Variants in SYN2 observed in about 807,000 individuals in gnomAD.
SYN2 encodes the protein synapsin II.
In SYN2, 19 loss-of-function variants were observed where a neutral mutation model predicts 50.9. The ratio of observed to expected loss-of-function variants is 0.37; its 90% CI spans 0.26 to 0.55. The LOEUF is 0.55. SYN2 is among the 20% of genes least tolerant of loss of function. The probability of loss-of-function intolerance (pLI) is 0.81; values close to 1 mark genes in which losing one functional copy is unlikely to be tolerated. For synonymous variants in SYN2, 255 were observed against 224.9 expected, an observed-to-expected ratio of 1.13 and a Z score of -1.20; for missense variants, 587 against 576.4, an observed-to-expected ratio of 1.02 and a Z score of -0.19.
intron 10 of SYN2, among the ~76,000 whole-genome samples, chr3:12,178,959 C>T (rs1206898123): frequency 6.6e-6 from 1 of 152,184 alleles, no homozygotes; most frequent in East Asian, 1.9e-4. Context: ...TGCACCATGC[C>T]CTTTTGGTGC....
intron 5 of SYN2, chr3:12,153,489 A>G: frequency 2.5e-6 from 4 of 1,611,968 alleles, no homozygotes; most frequent in Non-Finnish European, 8.5e-7. Context: ...GGACTCTTGA[A>G]GGGATGTGAT....
chr3:12,142,524 T>C (rs528051171), intron 3 of SYN2, among the ~76,000 whole-genome samples: 13 of 152,266 alleles, frequency 8.5e-5, no homozygotes, highest in African/African-American at 3.1e-4. Context: ...CTAAGTCTGA[T>C]AGAAAAACCT....
Position 12,191,614 on chromosome 3 carries a change from C to T in SYN2, c.*989C>T, listed in dbSNP as rs1223012793. On this transcript the variant is annotated 3_prime_UTR_variant, in exon 13 of 13. Transcript: ENST00000621198. The stretch of plus-strand genomic sequence containing the variant: ...TGTGTCTGTCCTTTACATACCACTT[C>T]TGGGCCTCCTCGCACCTCCCCAGTG... 6.6e-6 allele frequency among the ~76,000 whole-genome samples: 1 copy of T among 152,170 alleles called. No homozygotes were observed. The highest frequency in any genetic ancestry group is 1.5e-5 in the Non-Finnish European group (1 of 68,030).
chr3:12,187,021 G>A (rs1448761292), intron 11 of SYN2, among the ~76,000 whole-genome samples: 2 of 152,138 alleles, frequency 1.3e-5, no homozygotes, highest in Non-Finnish European at 2.9e-5. Context: ...CCTGGAGCAG[G>A]GTGGTCTGTG....
chr3:12,172,816 T>C (rs6763468), intron 10 of SYN2, among the ~76,000 whole-genome samples: 8,471 of 152,232 alleles, frequency 0.056, 798 homozygotes, highest in African/African-American at 0.19. Context: ...TGGTTACTTC[T>C]GAGGAGCCAA....
chr3:12,093,935 C>CA (rs1179220889), intron 1 of SYN2, among the ~76,000 whole-genome samples: 1 of 150,292 alleles, frequency 6.7e-6, no homozygotes, highest in Non-Finnish European at 1.5e-5. Context: ...TGGTTCACTG[C>CA]AACCTGTGCC....
intron 1 of SYN2, among the ~76,000 whole-genome samples, chr3:12,085,714 A>G (rs1695687124): frequency 6.6e-6 from 1 of 152,220 alleles, no homozygotes; most frequent in Non-Finnish European, 1.5e-5. Flanking sequence ...ACAAGCAAAA[A>G]TGGAAACACA....
chr3:12,012,689 T>A (rs1386836904), intron 1 of SYN2, among the ~76,000 whole-genome samples: 1 of 152,228 alleles, frequency 6.6e-6, no homozygotes, highest in Non-Finnish European at 1.5e-5. Context: ...TACCTTAACG[T>A]TGATTTTCTT....
At chr3:12,009,241 G>C (rs756009095) in intron 1 of SYN2, among the ~76,000 whole-genome samples, 1 of 152,068 alleles carries the variant, frequency 6.6e-6, no homozygotes, top group Non-Finnish European at 1.5e-5. Context: ...GGGAAATCTC[G>C]ATCTCGAGAG....
chr3:12,130,666 C>T (rs1279375078), intron 1 of SYN2, among the ~76,000 whole-genome samples: 2 of 152,168 alleles, frequency 1.3e-5, no homozygotes, highest in East Asian at 1.9e-4. Context: ...ATCAAGTTAA[C>T]ACATAAAATT....
chr3:12,158,572 G>T, intron 5 of SYN2: 1 of 1,381,148 alleles, frequency 7.2e-7, no homozygotes, highest in Non-Finnish European at 9.8e-7. Flanking sequence ...CCACCCATCA[G>T]CCTCAGCAAG....
chr3:12,057,404 G>A (rs1294302359), intron 1 of SYN2, among the ~76,000 whole-genome samples: 4 of 151,756 alleles, frequency 2.6e-5, no homozygotes, highest in Non-Finnish European at 4.4e-5. Context: ...TATTTGAAAT[G>A]AGTTTCAAAT....
chr3:12,178,272 G>A (rs1313476517), intron 10 of SYN2, among the ~76,000 whole-genome samples: 2 of 152,144 alleles, frequency 1.3e-5, no homozygotes, highest in Non-Finnish European at 2.9e-5. Flanking sequence ...TGCTGAGCAA[G>A]CACAGGCCTT....
At chr3:12,121,294 C>T (rs963592240) in intron 1 of SYN2, among the ~76,000 whole-genome samples, 3 of 152,174 alleles carry the variant, frequency 2.0e-5, no homozygotes, top group African/African-American at 7.2e-5. Flanking sequence ...GACAGCATTC[C>T]TAGAACATCT....
chr3:12,041,392 A>G (rs900454549), intron 1 of SYN2, among the ~76,000 whole-genome samples: 2 of 152,192 alleles, frequency 1.3e-5, no homozygotes, highest in East Asian at 1.9e-4. Flanking sequence ...TTACATTGGA[A>G]TAGAGCTTGC....
In SYN2 at chr3:12,178,670, C is replaced by T. The variant is rs181297243; in HGVS notation, c.1309-4642C>T. ...CAACAATATCTTCTCCACTGATGCA[C>T]GAAATTCTAACATTAGACCTCCCTT... On this transcript the variant is annotated intron_variant, in intron 10 of 12. Transcript: ENST00000621198. Among the ~76,000 whole-genome samples the T allele has an allele frequency of 3.4e-4, 52 of 152,328 alleles. 1 individual carries two copies. The highest frequency in any genetic ancestry group is 9.9e-4 in the African/African-American group (41 of 41,578).
intron 3 of SYN2, among the ~76,000 whole-genome samples, chr3:12,144,546 A>G (rs557390087): frequency 1.8e-4 from 27 of 152,342 alleles, no homozygotes; most frequent in African/African-American, 5.8e-4. Context: ...GAAAGCCACA[A>G]GGAGCTTCAG....
chr3:12,158,601 T>G, intron 5 of SYN2: 6 of 1,515,662 alleles, frequency 4.0e-6, no homozygotes, highest in Non-Finnish European at 4.4e-6. Flanking sequence ...GGTAAGAATT[T>G]GAGCTCCTCC....
rs71044259 is a variant in SYN2, at chr3:12,057,287, C to CTGTCTGTGTGTGTGTGTG, written c.377+52362_377+52363insCTGTGTGTGTGTGTGTGT. On this transcript the variant is annotated intron_variant, in intron 1 of 12. Transcript: ENST00000621198. ...AACCTGGGCGACAAGGCAAGACTGT[C>CTGTCTGTGTGTGTGTGTG]TGTGTGTGTGTGTGTGTGTGTGTGT... Among the ~76,000 whole-genome samples, 112 of 133,996 alleles carry CTGTCTGTGTGTGTGTGTG rather than the reference C, an allele frequency of 8.4e-4. 3 individuals carry two copies. The East Asian group carries it at 8.8e-3, about 11-fold the overall frequency. 87.9% of individuals were successfully genotyped at this position (133,996 alleles called of 152,430 possible). A position where few individuals can be genotyped will look rare whatever the true frequency, so the allele number is the denominator to read the frequency against.
Sources: allele counts gnomAD v4.1 joint callset (sites outside exome capture counted in the v4.1 genomes callset), GRCh38; gene constraint gnomAD v4.1.1; transcripts MANE v1.5; gene names NCBI Gene and HGNC (gene_info 2026-07-23, HGNC 2026-07-21).